The following COA1 variants were observed in gnomAD, a reference collection of about 807,000 sequenced individuals.
COA1 encodes the protein cytochrome c oxidase assembly factor 1 homolog.
In COA1, 13 loss-of-function variants were observed where a neutral mutation model predicts 16.0. The ratio of observed to expected loss-of-function variants is 0.81; its 90% CI spans 0.53 to 1.29. The LOEUF (loss-of-function observed/expected upper bound fraction) is 1.29. Among genes scored for constraint, COA1 ranks in the 50% most tolerant of loss-of-function variants. COA1 has a pLI of 0.00. For synonymous variants in COA1, 65 were observed against 65.7 expected (o/e 0.99, Z 0.05); for missense variants, 179 against 177.0 (o/e 1.01, Z -0.06).
At chr7:43,722,403 C>T (rs1309523995) in intron 1 of COA1, among the ~76,000 whole-genome samples, 2 of 151,456 alleles carry the variant, frequency 1.3e-5, no homozygotes, top group African/African-American at 2.4e-5. Context: ...CTAGGAAATG[C>T]TTTTCCCTAC....
chr7:43,648,256 T>A (rs568186585), intron 2 of COA1: 7 of 401,202 alleles, frequency 1.7e-5, no homozygotes, highest in Non-Finnish European at 4.6e-6. Context: ...CTGGGAAAAG[T>A]CATTTAGTTC....
chr7:43,638,522 T>G (rs2086287014), downstream of COA1, among the ~76,000 whole-genome samples: 1 of 151,854 alleles, frequency 6.6e-6, no homozygotes, highest in Non-Finnish European at 1.5e-5. Flanking sequence ...AAGAACCTAT[T>G]AGCTTTCTTT....
chr7:43,615,122 A>C (rs936314590), intron 6 of COA1, among the ~76,000 whole-genome samples: 1 of 152,118 alleles, frequency 6.6e-6, no homozygotes, highest in African/African-American at 2.4e-5. Flanking sequence ...CCTCCTATCA[A>C]ATTTGCCTGA....
intron 1 of COA1, among the ~76,000 whole-genome samples, chr7:43,659,863 T>C (rs1318880651): frequency 6.6e-6 from 1 of 152,042 alleles, no homozygotes; most frequent in Non-Finnish European, 1.5e-5. Flanking sequence ...CATCACAGTA[T>C]CTGGAAAAAA....
At chr7:43,613,170 G>A (rs1356579512) in intron 6 of COA1, among the ~76,000 whole-genome samples, 1 of 152,178 alleles carries the variant, frequency 6.6e-6, no homozygotes, top group Non-Finnish European at 1.5e-5. Flanking sequence ...TTTCAGCAGT[G>A]TTAGTACAGT....
chr7:43,640,425 C>G (rs559373032), intron 5 of COA1, 148 bp downstream of exon 5: 8 of 669,822 alleles, frequency 1.2e-5, no homozygotes, highest in Non-Finnish European at 2.1e-5. Context: ...GGCTTGCTGC[C>G]CAGGCCACGA....
intron 1 of COA1, among the ~76,000 whole-genome samples, chr7:43,658,416 T>G (rs1458371592): frequency 6.6e-6 from 1 of 152,154 alleles, no homozygotes; most frequent in Non-Finnish European, 1.5e-5. Context: ...AAATGTCATC[T>G]GAGAACAAAT....
intron 4 of COA1, among the ~76,000 whole-genome samples, chr7:43,643,267 T>G (rs1388269543): frequency 6.6e-6 from 1 of 152,172 alleles, no homozygotes; most frequent in Non-Finnish European, 1.5e-5. Context: ...CACCAGATCA[T>G]GGATGCTGCA....
intron 1 of COA1, among the ~76,000 whole-genome samples, chr7:43,668,306 G>A (rs2093018871): frequency 6.6e-6 from 1 of 152,188 alleles, no homozygotes; most frequent in Non-Finnish European, 1.5e-5. Flanking sequence ...AAACCCATGT[G>A]GATGGCTGGG....
intron 6 of COA1, chr7:43,619,484 ACT>A (rs2083652884): frequency 1.5e-6 from 2 of 1,294,362 alleles, no homozygotes; most frequent in Non-Finnish European, 2.1e-6. Context: ...ATGACTGTTT[ACT>A]GTTAAATTCC....
At chr7:43,637,361 G>A (rs1424885613), downstream of COA1, among the ~76,000 whole-genome samples, 1 of 152,120 alleles carries the variant, frequency 6.6e-6, no homozygotes, top group East Asian at 1.9e-4. Flanking sequence ...CCATTTGCTG[G>A]CTGTGATCCC....
intron 1 of COA1, 111 bp from the exon 2 acceptor site, chr7:43,648,763 A>T: frequency 1.3e-6 from 1 of 749,034 alleles, no homozygotes; most frequent in South Asian, 2.1e-5. Flanking sequence ...ACGAACAAGA[A>T]GTTAAAATTA....
At chr7:43,708,565 C>T (rs190987680) in intron 1 of COA1, among the ~76,000 whole-genome samples, 1 of 152,020 alleles carries the variant, frequency 6.6e-6, no homozygotes, top group Non-Finnish European at 1.5e-5. Context: ...CAGTTATATG[C>T]CATTATGATT....
At chr7:43,666,534 A>G (rs1350698718) in intron 1 of COA1, among the ~76,000 whole-genome samples, 1 of 152,254 alleles carries the variant, frequency 6.6e-6, no homozygotes, top group African/African-American at 2.4e-5. Context: ...TAATTGGCTT[A>G]AAGAAAAATA....
intron 1 of COA1, among the ~76,000 whole-genome samples, chr7:43,712,884 C>T (rs1476670331): frequency 6.6e-6 from 1 of 151,612 alleles, no homozygotes; most frequent in African/African-American, 2.4e-5. Flanking sequence ...TTTTTATTGA[C>T]ACATTGTCAT....
chr7:43,707,223 G>T (rs907838755), intron 1 of COA1, among the ~76,000 whole-genome samples: 3 of 152,162 alleles, frequency 2.0e-5, no homozygotes, highest in Non-Finnish European at 4.4e-5. Context: ...AATCTTTAAA[G>T]AGTTCAGTCA....
At chr7:43,652,945 G>T (rs1021360615) in intron 1 of COA1, among the ~76,000 whole-genome samples, 4 of 152,044 alleles carry the variant, frequency 2.6e-5, no homozygotes, top group African/African-American at 9.7e-5. Flanking sequence ...GATGAAAAAA[G>T]TAAGGCAATA....
At chr7:43,612,940 A>G (rs1322894130) in intron 6 of COA1, among the ~76,000 whole-genome samples, 3 of 152,218 alleles carry the variant, frequency 2.0e-5, no homozygotes, top group African/African-American at 7.2e-5. Context: ...AATGTTGCAG[A>G]AATTGCAAAT....
At chr7:43,722,372 G>A (rs942972009) in intron 1 of COA1, among the ~76,000 whole-genome samples, 14 of 152,104 alleles carry the variant, frequency 9.2e-5, no homozygotes, top group African/African-American at 3.4e-4. Flanking sequence ...TGGGATTACA[G>A]GCATGAGCCA....
Sources: gnomAD v4.1 joint callset for allele counts (sites outside exome capture counted in the v4.1 genomes callset) on GRCh38, gnomAD v4.1.1 for gene constraint, MANE v1.5 for transcripts, NCBI Gene and HGNC (gene_info 2026-07-23, HGNC 2026-07-21) for gene names.